Variants in RYR2 observed in about 807,000 individuals in gnomAD.
The protein encoded by RYR2 is cardiac muscle ryanodine receptor-calcium release channel.
In RYR2, 227 loss-of-function variants were observed where a neutral mutation model predicts 601.1. That is an observed-to-expected ratio of 0.38 (90% CI 0.34 to 0.42). The LOEUF is 0.42. RYR2 is among the 10% of genes least tolerant of loss of function. The pLI is 1.00. For missense variants in RYR2, 4,646 were observed against 6,156.5 expected, an observed-to-expected ratio of 0.75 and a Z score of 8.21; for synonymous variants, 2,223 against 2,175.1, an observed-to-expected ratio of 1.02 and a Z score of -0.61.
intron 29 of RYR2, among the ~76,000 whole-genome samples, chr1:237,588,084 C>T (rs1479650191): frequency 1.3e-5 from 2 of 152,120 alleles, no homozygotes; most frequent in Non-Finnish European, 2.9e-5. Context: ...TTTAAAACAA[C>T]TTTTCTTGAC....
At chr1:237,538,505 C>T (rs1668906578) in intron 25 of RYR2, among the ~76,000 whole-genome samples, 1 of 142,944 alleles carries the variant, frequency 7.0e-6, no homozygotes, top group South Asian at 2.4e-4. Flanking sequence ...GGCCTGGTGG[C>T]TCACAGCTGT....
chr1:237,188,255 C>CT (rs11446271), intron 1 of RYR2, among the ~76,000 whole-genome samples: 141,323 of 149,016 alleles, frequency 0.95, 67,155 homozygotes, highest in Non-Finnish European at 0.99. Context: ...TTCAGCATTG[C>CT]TTTTTTTTTT....
At chr1:237,795,250 AAAT>A in intron 95 of RYR2, 36 bp from the exon 96 acceptor site, 1 of 989,062 alleles carries the variant, frequency 1.0e-6, no homozygotes, top group Non-Finnish European at 1.5e-6. Context: ...TTGTCATTAA[AAAT>A]AATACTATTT....
At chr1:237,547,044 C>T (rs1045237571) in intron 25 of RYR2, among the ~76,000 whole-genome samples, 2 of 146,946 alleles carry the variant, frequency 1.4e-5, no homozygotes, top group Non-Finnish European at 3.0e-5. Context: ...CTTGCTCTGT[C>T]ACCCAGGCTG....
intron 1 of RYR2, among the ~76,000 whole-genome samples, chr1:237,165,713 A>G (rs1676630199): frequency 1.3e-5 from 2 of 152,254 alleles, no homozygotes; most frequent in Non-Finnish European, 2.9e-5. Context: ...AAGAAACTAA[A>G]AACATTAGCC....
chr1:237,386,293 G>T (rs1432428527), intron 8 of RYR2, among the ~76,000 whole-genome samples: 1 of 152,178 alleles, frequency 6.6e-6, no homozygotes, highest in Non-Finnish European at 1.5e-5. Context: ...TCTTGATGGT[G>T]ACTTGAGAAT....
At chr1:237,251,355 C>T (rs1425150774) in intron 1 of RYR2, among the ~76,000 whole-genome samples, 1 of 152,156 alleles carries the variant, frequency 6.6e-6, no homozygotes, top group African/African-American at 2.4e-5. Flanking sequence ...ACTGAAATGG[C>T]CCTTGACCAG....
intron 2 of RYR2, among the ~76,000 whole-genome samples, chr1:237,293,069 C>T (rs1692402017): frequency 6.6e-6 from 1 of 152,112 alleles, no homozygotes; most frequent in South Asian, 2.1e-4. Context: ...CTTATCTCCA[C>T]ACACCAAGCA....
At chr1:237,191,674 T>A (rs953150967) in intron 1 of RYR2, among the ~76,000 whole-genome samples, 1 of 152,176 alleles carries the variant, frequency 6.6e-6, no homozygotes, top group Non-Finnish European at 1.5e-5. Context: ...TGTCTCCAGC[T>A]CGAAATGATG....
At chr1:237,785,225 T>C (rs1383395407) in intron 90 of RYR2, among the ~76,000 whole-genome samples, 2 of 152,212 alleles carry the variant, frequency 1.3e-5, no homozygotes, top group African/African-American at 4.8e-5. Flanking sequence ...TCTCCACGTT[T>C]ATATAATTTT....
intron 1 of RYR2, among the ~76,000 whole-genome samples, chr1:237,178,925 C>T (rs1482538019): frequency 1.3e-5 from 2 of 151,882 alleles, no homozygotes; most frequent in African/African-American, 2.4e-5. Flanking sequence ...ATTATTTTTT[C>T]AAAAAATATA....
At chr1:237,169,763 A>G (rs1677149901) in intron 1 of RYR2, among the ~76,000 whole-genome samples, 1 of 152,180 alleles carries the variant, frequency 6.6e-6, no homozygotes, top group African/African-American at 2.4e-5. Flanking sequence ...TAATTATACT[A>G]TTTGTATCTA....
Position 237,310,149 on chromosome 1 carries a change from A to G in RYR2, c.169-20729A>G, listed in dbSNP as rs539681216. On this transcript the variant is annotated intron_variant, in intron 2 of 104. Transcript: ENST00000366574. ...GTGCTGAGAGTGAGCGAGGGCTGCCAGCACGCTGTCACCTCTCAGATTGGG... is the reference window on the plus strand; with the variant it reads ...GTGCTGAGAGTGAGCGAGGGCTGCCGGCACGCTGTCACCTCTCAGATTGGG... 5.9e-5 allele frequency among the ~76,000 whole-genome samples: 9 copies of G among 152,340 alleles called. No individual in the cohort carries two copies. The South Asian group carries it at 1.0e-3, about 18-fold the overall frequency.
At chr1:237,273,608 TACC>T in intron 2 of RYR2, among the ~76,000 whole-genome samples, 1 of 152,268 alleles carries the variant, frequency 6.6e-6, no homozygotes, top group Admixed American at 6.5e-5. Flanking sequence ...TAAGTATGAC[TACC>T]AAAAATGGGA....
intron 49 of RYR2, among the ~76,000 whole-genome samples, 152 bp from the exon 50 acceptor site, chr1:237,649,725 C>T (rs769591197): frequency 7.9e-5 from 12 of 152,214 alleles, no homozygotes; most frequent in South Asian, 4.1e-4. Context: ...CATATGAACC[C>T]GACACTTAAA....
chr1:237,705,352 G>T lies in RYR2; in HGVS notation c.9580+9G>T. ...TTCACGAGAAAGAGCAGGTAACACA[G>T]AAACATGTGCAGTGCTTTGAGATAT... On this transcript the variant is annotated intron_variant, in intron 67 of 104. Transcript: ENST00000366574. The T allele has an allele frequency of 6.3e-7, 1 of 1,599,942 alleles. No individual in the cohort carries two copies. Among genetic ancestry groups the T allele is most frequent in the Non-Finnish European group, 8.5e-7 (1 of 1,171,778 alleles).
chr1:237,571,137 A>T (rs1430604753), intron 29 of RYR2, among the ~76,000 whole-genome samples: 2 of 152,088 alleles, frequency 1.3e-5, no homozygotes, highest in Non-Finnish European at 2.9e-5. Context: ...CAAAATAATA[A>T]TAATAACCTT....
At chr1:237,275,012 C>G (rs952492147) in intron 2 of RYR2, among the ~76,000 whole-genome samples, 1 of 151,824 alleles carries the variant, frequency 6.6e-6, no homozygotes, top group Non-Finnish European at 1.5e-5. Flanking sequence ...TGACACATTT[C>G]TAGCATGTGT....
intron 8 of RYR2, among the ~76,000 whole-genome samples, chr1:237,381,649 G>C (rs1473566996): frequency 2.0e-5 from 3 of 152,202 alleles, no homozygotes; most frequent in Non-Finnish European, 4.4e-5. Context: ...AGCTGGTTGA[G>C]AGGGTTGGTT....
Sources: gnomAD v4.1 joint callset for allele counts (sites outside exome capture counted in the v4.1 genomes callset) on GRCh38, gnomAD v4.1.1 for gene constraint, MANE v1.5 for transcripts, NCBI Gene and HGNC (gene_info 2026-07-23, HGNC 2026-07-21) for gene names.